Variants in XDH observed in about 807,000 individuals in gnomAD.
XDH encodes the protein xanthine dehydrogenase/oxidase.
In XDH, 138 loss-of-function variants were observed where a neutral mutation model predicts 156.1. The observed-to-expected ratio is 0.88, with a 90% CI of 0.77 to 1.02. The LOEUF is 1.02. Ranked by LOEUF, XDH falls within the 50% of genes least tolerant of loss-of-function variation. XDH has a pLI of 0.00. For missense variants in XDH, 1,849 were observed against 1,684.9 expected (o/e 1.10, Z -1.71); for synonymous variants, 669 against 625.7 (o/e 1.07, Z -1.03).
At position 31,365,310 on chromosome 2, in the gene XDH, T is replaced by C. The variant is rs1022774465; in HGVS notation, c.2544+147A>G. 12 of 845,464 alleles carry C rather than the reference T, an allele frequency of 1.4e-5. No individual in the cohort carries two copies. In the African/African-American group the frequency reaches 1.9e-4, roughly 13 times the overall value. The allele number at this position is 845,464 out of a possible 1,614,324, so 52.4% of individuals were successfully genotyped here. ...ACCTTTCTGTGTTGCTGTTAGCCTA[T>C]TTGAATTTCTCTTCTTGCTATATCT... On this transcript the variant is annotated intron_variant, in intron 23 of 35. Transcript: ENST00000379416.
chr2:31,363,775 A>T (rs1180505716), intron 24 of XDH, among the ~76,000 whole-genome samples: 3 of 152,164 alleles, frequency 2.0e-5, no homozygotes, highest in African/African-American at 7.2e-5. Flanking sequence ...AGTTTGGTAT[A>T]TGTTCCTTCA....
chr2:31,398,809 C>A, intron 4 of XDH, 110 bp from the exon 5 acceptor site: 1 of 1,556,454 alleles, frequency 6.4e-7, no homozygotes. Context: ...GTAGTAATCA[C>A]TGCACAGAGT....
intron 23 of XDH, among the ~76,000 whole-genome samples, chr2:31,364,872 T>C (rs529885087): frequency 6.6e-6 from 1 of 152,176 alleles, no homozygotes; most frequent in Non-Finnish European, 1.5e-5. Flanking sequence ...GGCCAATTCA[T>C]GGAGAGAGGG....
intron 1 of XDH, among the ~76,000 whole-genome samples, chr2:31,411,986 A>G (rs1687355134): frequency 6.6e-6 from 1 of 151,948 alleles, no homozygotes; most frequent in African/African-American, 2.4e-5. Flanking sequence ...TGAGTGAGTG[A>G]AAGTCACCGT....
chr2:31,386,584 G>A (rs757929085), intron 8 of XDH, 29 bp from the exon 9 acceptor site: 2 of 1,613,912 alleles, frequency 1.2e-6, no homozygotes, highest in East Asian at 2.2e-5. Flanking sequence ...TTACTACACT[G>A]TCTCCCTCTT....
chr2:31,404,374 G>A (rs978839752), intron 2 of XDH, among the ~76,000 whole-genome samples: 1 of 152,158 alleles, frequency 6.6e-6, no homozygotes, highest in African/African-American at 2.4e-5. Context: ...TTCCAGCCTG[G>A]AGACCTTTCT....
chr2:31,400,542 T>G (rs1304200543), intron 4 of XDH, among the ~76,000 whole-genome samples: 1 of 152,200 alleles, frequency 6.6e-6, no homozygotes, highest in Non-Finnish European at 1.5e-5. Flanking sequence ...TCTACTCCCC[T>G]TTCTTTCCAC....
chr2:31,408,812 A>G (rs1687261706), intron 1 of XDH, among the ~76,000 whole-genome samples: 1 of 152,228 alleles, frequency 6.6e-6, no homozygotes, highest in Non-Finnish European at 1.5e-5. Flanking sequence ...GGAAGTCAGT[A>G]TATAAAACAG....
chr2:31,387,791 G>T lies in XDH; in HGVS notation c.651+20C>A. The T allele has an allele frequency of 3.2e-6, 5 of 1,566,570 alleles. No individual in the cohort carries two copies. The highest frequency in any genetic ancestry group is 4.3e-6 in the Non-Finnish European group (5 of 1,154,742). On this transcript the variant is annotated intron_variant, in intron 8 of 35. Coordinates refer to ENST00000379416, the MANE Select transcript of XDH (RefSeq NM_000379.4). Reference sequence around the variant, plus strand: ...TCACAGTACAGACCCGGCTGGATCTGTCCCTGAGGCATCACCTACCAGCAA... The same window carrying T: ...TCACAGTACAGACCCGGCTGGATCTTTCCCTGAGGCATCACCTACCAGCAA...
chr2:31,346,981 C>T, intron 29 of XDH, 138 bp from the exon 30 acceptor site: 1 of 1,101,580 alleles, frequency 9.1e-7, no homozygotes, highest in South Asian at 1.3e-5. Flanking sequence ...TGGCCACCCA[C>T]TCCAGAATGA....
intron 17 of XDH, among the ~76,000 whole-genome samples, chr2:31,371,907 A>G (rs538105473): frequency 1.1e-4 from 17 of 152,160 alleles, no homozygotes; most frequent in Non-Finnish European, 2.2e-4. Flanking sequence ...TGAAGTTCAC[A>G]CTCTCTGGCT....
At position 31,346,875 on chromosome 2, in the gene XDH, A is replaced by G. The variant is rs1685311534; in HGVS notation, c.3277-32T>C. 3 of 1,613,428 alleles carry G rather than the reference A, an allele frequency of 1.9e-6. No homozygotes were observed. The South Asian group carries it at 3.3e-5, about 18-fold the overall frequency. On this transcript the variant is annotated intron_variant, in intron 29 of 35. Transcript: ENST00000379416. Reference sequence around the variant, plus strand: ...TAAACACCCCCCACACCCCAGACACATCAGTCCTCTGCATTCTGTAGCCCA... The same window carrying G: ...TAAACACCCCCCACACCCCAGACACGTCAGTCCTCTGCATTCTGTAGCCCA...
intron 30 of XDH, 67 bp downstream of exon 30, chr2:31,346,702 G>T (rs149579381): frequency 2.5e-6 from 4 of 1,581,264 alleles, no homozygotes; most frequent in African/African-American, 2.7e-5. Context: ...GTTCGGATTC[G>T]GAACGGAGGC....
intron 17 of XDH, among the ~76,000 whole-genome samples, chr2:31,371,681 T>C (rs1288354450): frequency 1.3e-5 from 2 of 152,090 alleles, no homozygotes; most frequent in African/African-American, 4.8e-5. Context: ...CTTTTTTTTT[T>C]GTTTTCAGGG....
rs1256310946 is a variant in XDH at position 31,402,981 on chromosome 2, A to C, written c.197+67T>G. 14 of 1,559,894 alleles carry C rather than the reference A, an allele frequency of 9.0e-6. No individual in the cohort carries two copies. The African/African-American group carries it at 1.9e-4, about 21-fold the overall frequency. Reference sequence around the variant, plus strand: ...TGCACATACACACATACACTCATGCACTCCCTCACAAGCTGGTCCTGCATC... The same window carrying C: ...TGCACATACACACATACACTCATGCCCTCCCTCACAAGCTGGTCCTGCATC... On this transcript the variant is annotated intron_variant, in intron 3 of 35. Transcript: ENST00000379416.
At chr2:31,348,805 C>T (rs1685371491) in intron 27 of XDH, 94 bp downstream of exon 27, 1 of 1,150,732 alleles carries the variant, frequency 8.7e-7, no homozygotes, top group East Asian at 2.4e-5. Context: ...GCCCTGTTAC[C>T]AGTGACAACG....
intron 24 of XDH, among the ~76,000 whole-genome samples, chr2:31,352,443 TTAC>T (rs1685511753): frequency 6.6e-6 from 1 of 152,222 alleles, no homozygotes; most frequent in Non-Finnish European, 1.5e-5. Context: ...AATTTCAGTC[TTAC>T]TCATCCTAAA....
chr2:31,348,160 C>T, intron 28 of XDH, 108 bp downstream of exon 28: 1 of 1,129,720 alleles, frequency 8.9e-7, no homozygotes, highest in East Asian at 2.5e-5. Context: ...AGCAACAGGG[C>T]CAGGGCCAGA....
Position 31,357,180 on chromosome 2 carries a change from C to T in XDH, c.2632-6957G>A, listed in dbSNP as rs573394251. ...AGATAGTTAATTTAAGCTTTCAACT[C>T]AAGAACCTAGAAAAAGAGAAGCAAA... is the stretch of plus-strand genomic sequence containing the variant. On this transcript the variant is annotated intron_variant, in intron 24 of 35. Coordinates refer to ENST00000379416, the MANE Select transcript of XDH (RefSeq NM_000379.4). 3.3e-5 allele frequency among the ~76,000 whole-genome samples: 5 copies of T among 152,144 alleles called. 1 individual carries two copies. Among genetic ancestry groups the T allele is most frequent in the African/African-American group, 9.6e-5 (4 of 41,530 alleles).
Sources: allele counts gnomAD v4.1 joint callset (sites outside exome capture counted in the v4.1 genomes callset), GRCh38; gene constraint gnomAD v4.1.1; transcripts MANE v1.5; gene names NCBI Gene and HGNC (gene_info 2026-07-23, HGNC 2026-07-21).